The following RAD51B variants were observed in gnomAD, a reference collection of about 807,000 sequenced individuals.
RAD51B encodes DNA repair protein RAD51 homolog 2.
Under a neutral mutation model 42.2 loss-of-function variants are expected in RAD51B, and 38 were observed. The observed-to-expected ratio is 0.90, with a 90% CI of 0.70 to 1.18. The LOEUF is 1.18. RAD51B is among the 50% of genes most tolerant of loss of function. The pLI is 0.00. For synonymous variants in RAD51B, 154 were observed against 145.2 expected (o/e 1.06, Z -0.43); for missense variants, 373 against 400.7 (o/e 0.93, Z 0.59).
chr14:68,047,069 A>G (rs924732779), intron 7 of RAD51B, among the ~76,000 whole-genome samples: 114 of 151,846 alleles, frequency 7.5e-4, no homozygotes, highest in African/African-American at 2.6e-3. Context: ...ATATTTATCT[A>G]AATAAGGTTT....
intron 10 of RAD51B, chr14:68,541,050 T>C (rs1184363670): frequency 2.0e-6 from 2 of 985,246 alleles, no homozygotes; most frequent in Non-Finnish European, 2.4e-6. Context: ...AAGATAGTCA[T>C]AAAAGAAGAG....
At chr14:68,113,184 G>T (rs1212858939) in intron 7 of RAD51B, among the ~76,000 whole-genome samples, 1 of 151,944 alleles carries the variant, frequency 6.6e-6, no homozygotes, top group East Asian at 1.9e-4. Flanking sequence ...AATCAATATT[G>T]TCCCTATTGT....
intron 11 of RAD51B, among the ~76,000 whole-genome samples, chr14:68,669,985 G>A (rs1272204972): frequency 1.3e-5 from 2 of 152,160 alleles, no homozygotes; most frequent in African/African-American, 4.8e-5. Flanking sequence ...TCAGATTAAT[G>A]GCACGGAAGT....
At chr14:68,271,069 A>G (rs2081095678) in intron 7 of RAD51B, among the ~76,000 whole-genome samples, 1 of 152,180 alleles carries the variant, frequency 6.6e-6, no homozygotes, top group Admixed American at 6.5e-5. Flanking sequence ...TTAAAATTGC[A>G]ACCTATTCCC....
chr14:68,302,453 A>G (rs2081762149), intron 8 of RAD51B, among the ~76,000 whole-genome samples: 1 of 121,644 alleles, frequency 8.2e-6, no homozygotes, highest in Admixed American at 8.7e-5. Context: ...AGAGAAGGGG[A>G]AAGTGCACCT....
chr14:68,648,113 GTATATATATATACACACA>G (rs1892615948), intron 10 of RAD51B, among the ~76,000 whole-genome samples: 1 of 60,078 alleles, frequency 1.7e-5, no homozygotes, highest in South Asian at 7.1e-4. Flanking sequence ...ATACACACAC[GTATATATATATACACACA>G]CGTATATATA....
At chr14:68,073,345 C>T (rs2076783754) in intron 7 of RAD51B, among the ~76,000 whole-genome samples, 1 of 152,142 alleles carries the variant, frequency 6.6e-6, no homozygotes, top group Non-Finnish European at 1.5e-5. Flanking sequence ...ATAGCAACCC[C>T]TGCTCTTTTT....
Position 68,446,325 on chromosome 14 carries a change from G to A in RAD51B, c.958-21847G>A, listed in dbSNP as rs572419429. ...TGAAGTGACTTGTAGCTACTAGTTT[G>A]TCTTGCCTCATAAACAATGTGATAG... On this transcript the variant is annotated intron_variant, in intron 9 of 10. Coordinates refer to ENST00000471583, the MANE Select transcript of RAD51B (RefSeq NM_133510.4). Among the ~76,000 whole-genome samples the A allele has an allele frequency of 6.6e-4, 101 of 152,310 alleles. 2 individuals carry two copies. The South Asian group carries it at 0.013, about 20-fold the overall frequency.
intron 8 of RAD51B, among the ~76,000 whole-genome samples, chr14:68,364,167 G>T (rs1216443229): frequency 2.0e-5 from 3 of 152,104 alleles, no homozygotes; most frequent in Non-Finnish European, 4.4e-5. Context: ...CAGTGTGTGT[G>T]TCCCCTTCCC....
intron 7 of RAD51B, among the ~76,000 whole-genome samples, chr14:67,973,472 A>G (rs2074935060): frequency 1.3e-5 from 2 of 152,186 alleles, no homozygotes; most frequent in South Asian, 2.1e-4. Context: ...TAAATTGTTC[A>G]TGATAAACAT....
At chr14:68,399,943 T>C (rs2084048102) in intron 8 of RAD51B, among the ~76,000 whole-genome samples, 2 of 152,220 alleles carry the variant, frequency 1.3e-5, no homozygotes, top group Non-Finnish European at 2.9e-5. Context: ...TTTAAAGCCA[T>C]TGATGTTCTC....
chr14:68,037,232 C>CT (rs529438390), intron 7 of RAD51B, among the ~76,000 whole-genome samples: 1 of 132,456 alleles, frequency 7.5e-6, no homozygotes, highest in African/African-American at 2.9e-5. Flanking sequence ...CTCTTCTTTT[C>CT]TTTTTTTCCT....
chr14:68,259,410 C>T (rs1490108647), intron 7 of RAD51B, among the ~76,000 whole-genome samples: 1 of 151,734 alleles, frequency 6.6e-6, no homozygotes, highest in Non-Finnish European at 1.5e-5. Context: ...ATGTAACAAA[C>T]CTGCACGTTG....
At chr14:68,378,141 C>T (rs1053542918) in intron 8 of RAD51B, among the ~76,000 whole-genome samples, 4 of 152,134 alleles carry the variant, frequency 2.6e-5, no homozygotes, top group Admixed American at 1.3e-4. Context: ...CTGAATCTAG[C>T]GGTAGGATAA....
At chr14:67,876,367 T>C (rs571399423) in intron 5 of RAD51B, among the ~76,000 whole-genome samples, 79 of 152,310 alleles carry the variant, frequency 5.2e-4, no homozygotes, top group African/African-American at 1.9e-3. Flanking sequence ...GCTTTTATTT[T>C]TCCTTTTATA....
intron 7 of RAD51B, among the ~76,000 whole-genome samples, chr14:67,957,133 G>T (rs1471930792): frequency 6.6e-6 from 1 of 152,232 alleles, no homozygotes; most frequent in African/African-American, 2.4e-5. Context: ...TATAAGAGGA[G>T]AGATACAAGA....
At chr14:68,413,944 T>C (rs1331353680) in intron 9 of RAD51B, among the ~76,000 whole-genome samples, 1 of 146,194 alleles carries the variant, frequency 6.8e-6, no homozygotes, top group Non-Finnish European at 1.5e-5. Context: ...GGGTTTTTTT[T>C]CCAATGCCCA....
chr14:68,085,090 C>T lies in RAD51B; in HGVS notation c.756+197886C>T, dbSNP rs548148983. On this transcript the variant is annotated intron_variant, in intron 7 of 10. Transcript: ENST00000471583. The stretch of plus-strand genomic sequence containing the variant: ...TGAGGACTAGAGTAGGAAAAACTGT[C>T]CTTTCTTTTGGAATAGGAGCAGATA... Among the ~76,000 whole-genome samples the T allele has an allele frequency of 5.9e-5, 9 of 152,314 alleles. No individual in the cohort carries two copies. In the East Asian group the frequency reaches 1.7e-3, roughly 29 times the overall value.
intron 7 of RAD51B, among the ~76,000 whole-genome samples, chr14:68,148,965 G>A (rs140000759): frequency 6.6e-6 from 1 of 152,182 alleles, no homozygotes; most frequent in Non-Finnish European, 1.5e-5. Flanking sequence ...TAACCCCACT[G>A]TAAGTTGAGG....
Sources: gnomAD v4.1 joint callset for allele counts (sites outside exome capture counted in the v4.1 genomes callset) on GRCh38, gnomAD v4.1.1 for gene constraint, MANE v1.5 for transcripts, NCBI Gene and HGNC (gene_info 2026-07-23, HGNC 2026-07-21) for gene names.